EIF3H: variants seen among roughly 807,000 people sequenced by gnomAD.
EIF3H encodes eIF-3-gamma.
In EIF3H, 26 loss-of-function variants were observed where a neutral mutation model predicts 44.2. The observed-to-expected ratio is 0.59, with a 90% CI of 0.43 to 0.82. The LOEUF (loss-of-function observed/expected upper bound fraction) is 0.82, where lower values mean the gene tolerates loss of function less well. EIF3H is among the 40% of genes least tolerant of loss of function. The probability of loss-of-function intolerance (pLI) is 0.00; values close to 1 mark genes in which losing one functional copy is unlikely to be tolerated. For synonymous variants in EIF3H, 166 were observed against 151.9 expected (o/e 1.09, Z -0.68); for missense variants, 359 against 432.8 (o/e 0.83, Z 1.51).
intron 2 of EIF3H, among the ~76,000 whole-genome samples, chr8:116,661,035 TC>T (rs1485716254): frequency 6.6e-6 from 1 of 152,084 alleles, no homozygotes; most frequent in East Asian, 1.9e-4. Context: ...GAACCTCACC[TC>T]CCCCCAGCTA....
intron 5 of EIF3H, among the ~76,000 whole-genome samples, chr8:116,653,296 A>C (rs1389844951): frequency 1.3e-5 from 2 of 150,924 alleles, no homozygotes; most frequent in African/African-American, 4.9e-5. Context: ...GACTTTAAGC[A>C]TTTCATAACT....
chr8:116,718,524 T>C (rs1018702432), intron 2 of EIF3H, among the ~76,000 whole-genome samples: 1 of 151,362 alleles, frequency 6.6e-6, no homozygotes, highest in Non-Finnish European at 1.5e-5. Flanking sequence ...ATATATATAT[T>C]ATGGAATATT....
chr8:116,718,148 G>T, intron 2 of EIF3H, among the ~76,000 whole-genome samples: 1 of 151,908 alleles, frequency 6.6e-6, no homozygotes, highest in Non-Finnish European at 1.5e-5. Flanking sequence ...AATTATCAGG[G>T]AAATGCAAAT....
At chr8:116,666,743 T>C (rs911640055) in intron 2 of EIF3H, among the ~76,000 whole-genome samples, 3 of 115,206 alleles carry the variant, frequency 2.6e-5, no homozygotes, top group Admixed American at 1.9e-4. Flanking sequence ...TGAGAATCTT[T>C]AGTGTTAGGC....
chr8:116,676,951 A>G (rs1429718783), intron 2 of EIF3H, among the ~76,000 whole-genome samples: 2 of 136,050 alleles, frequency 1.5e-5, no homozygotes, highest in Middle Eastern at 3.4e-3. Flanking sequence ...TTGCTTTAAA[A>G]TAAAAAAAAA....
chr8:116,743,792 ATATATAAAC>A (rs1815175391), intron 1 of EIF3H, among the ~76,000 whole-genome samples: 15 of 89,484 alleles, frequency 1.7e-4, no homozygotes, highest in African/African-American at 4.8e-4. Flanking sequence ...ATATATATAT[ATATATAAAC>A]ACACACACAC....
At chr8:116,732,111 GA>G (rs1814959713) in intron 1 of EIF3H, among the ~76,000 whole-genome samples, 1 of 152,174 alleles carries the variant, frequency 6.6e-6, no homozygotes, top group Non-Finnish European at 1.5e-5. Flanking sequence ...ACCCTGCAGG[GA>G]ACAGTTTTCT....
intron 2 of EIF3H, among the ~76,000 whole-genome samples, chr8:116,698,540 T>C (rs12677487): frequency 0.1 from 15,502 of 152,250 alleles, 1,184 homozygotes; most frequent in East Asian, 0.42. Context: ...CTATCAATAG[T>C]ATAAAAGCCA....
At chr8:116,646,126 G>A (rs922960086) in intron 7 of EIF3H, among the ~76,000 whole-genome samples, 1 of 152,206 alleles carries the variant, frequency 6.6e-6, no homozygotes, top group African/African-American at 2.4e-5. Flanking sequence ...ACAGTGCTGT[G>A]CTGGAAAAGG....
intron 2 of EIF3H, among the ~76,000 whole-genome samples, chr8:116,676,847 A>C (rs1174835459): frequency 6.6e-6 from 1 of 152,180 alleles, no homozygotes; most frequent in Non-Finnish European, 1.5e-5. Flanking sequence ...AAATTATGCT[A>C]TAATTGTCTT....
chr8:116,758,329 A>G (rs1815481711), upstream of EIF3H, among the ~76,000 whole-genome samples: 1 of 152,246 alleles, frequency 6.6e-6, no homozygotes, highest in Non-Finnish European at 1.5e-5. Context: ...CTCAATGTGT[A>G]TGCCCCAACA....
intron 2 of EIF3H, among the ~76,000 whole-genome samples, chr8:116,710,496 T>C (rs1351048917): frequency 6.6e-6 from 1 of 152,214 alleles, no homozygotes; most frequent in African/African-American, 2.4e-5. Flanking sequence ...TCTGTTGACC[T>C]TCATTTTTAT....
intron 5 of EIF3H, among the ~76,000 whole-genome samples, chr8:116,651,916 A>G (rs1199032215): frequency 6.6e-6 from 1 of 152,222 alleles, no homozygotes; most frequent in East Asian, 1.9e-4. Flanking sequence ...TGAGCATCTA[A>G]TTTGCATTTA....
At chr8:116,702,219 G>A (rs1814390063) in intron 2 of EIF3H, among the ~76,000 whole-genome samples, 1 of 152,168 alleles carries the variant, frequency 6.6e-6, no homozygotes, top group African/African-American at 2.4e-5. Context: ...CAGGAACAAG[G>A]CAGATTTTTG....
At chr8:116,746,758 C>T (rs758392366) in intron 1 of EIF3H, among the ~76,000 whole-genome samples, 14 of 152,024 alleles carry the variant, frequency 9.2e-5, no homozygotes, top group Non-Finnish European at 1.6e-4. Context: ...CTTGCCTAAG[C>T]AAAAAATATA....
At chr8:116,676,405 G>C (rs146969886) in intron 2 of EIF3H, among the ~76,000 whole-genome samples, 2 of 152,206 alleles carry the variant, frequency 1.3e-5, no homozygotes, top group Non-Finnish European at 2.9e-5. Flanking sequence ...AGGCAAAGGC[G>C]AAGCAAGACA....
upstream of EIF3H, among the ~76,000 whole-genome samples, chr8:116,756,447 C>T (rs534474713): frequency 3.6e-4 from 55 of 152,268 alleles, no homozygotes; most frequent in Non-Finnish European, 6.6e-4. Flanking sequence ...CTAAAAATCA[C>T]GCTGATTTAT....
chr8:116,721,023 G>A lies in EIF3H; in HGVS notation c.289+4993C>T, dbSNP rs567009539. Among the ~76,000 whole-genome samples the A allele has an allele frequency of 2.6e-5, 4 of 152,122 alleles. No individual in the cohort carries two copies. In the South Asian group the frequency reaches 6.2e-4, roughly 24 times the overall value. The stretch of plus-strand genomic sequence containing the variant: ...TTCAAGCAGAAATTTGCATAATGAG[G>A]AGCCAAATGTGCATCTCCAAGACAA... On this transcript the variant is annotated intron_variant, in intron 2 of 7. Transcript: ENST00000521861.
intron 1 of EIF3H, among the ~76,000 whole-genome samples, chr8:116,749,933 A>G (rs556047387): frequency 6.6e-6 from 1 of 152,418 alleles, no homozygotes; most frequent in South Asian, 2.1e-4. Flanking sequence ...CAAAAATACA[A>G]GAAAAATTGG....
Sources: gnomAD v4.1 joint callset for allele counts (sites outside exome capture counted in the v4.1 genomes callset) on GRCh38, gnomAD v4.1.1 for gene constraint, MANE v1.5 for transcripts, NCBI Gene and HGNC (gene_info 2026-07-23, HGNC 2026-07-21) for gene names.